INTS4: variants seen among roughly 807,000 people sequenced by gnomAD.
INTS4 encodes integrator complex subunit 4, also known as MSTP093.
INTS4 carries 70 observed loss-of-function variants against 119.5 expected under a neutral mutation model. That is an observed-to-expected ratio of 0.59 (90% confidence interval 0.48 to 0.71). The LOEUF (loss-of-function observed/expected upper bound fraction) is 0.71. Ranked by LOEUF, INTS4 falls within the 30% of genes least tolerant of loss-of-function variation. INTS4 has a pLI of 0.00. For missense variants in INTS4, 867 were observed against 1,173.2 expected (o/e 0.74, Z 3.81); for synonymous variants, 316 against 419.6 (o/e 0.75, Z 3.02).
chr11:77,988,483 A>C (rs945220076), intron 2 of INTS4, among the ~76,000 whole-genome samples: 4 of 152,220 alleles, frequency 2.6e-5, no homozygotes, highest in Non-Finnish European at 5.9e-5. Context: ...GGGGAAATGG[A>C]CAAGGAACAT....
At chr11:77,924,521 A>C (rs183068703) in intron 12 of INTS4, 235 of 491,468 alleles carry the variant, frequency 4.8e-4, no homozygotes, top group African/African-American at 4.3e-3. Flanking sequence ...CAGCAGGCAC[A>C]TAATATTTGC....
chr11:77,965,742 T>G (rs1855475397), intron 4 of INTS4, among the ~76,000 whole-genome samples: 1 of 152,144 alleles, frequency 6.6e-6, no homozygotes, highest in Non-Finnish European at 1.5e-5. Context: ...GATAAACAGG[T>G]TGATTCCATA....
At chr11:77,897,171 A>G (rs1163777412) in intron 18 of INTS4, among the ~76,000 whole-genome samples, 1 of 151,874 alleles carries the variant, frequency 6.6e-6, no homozygotes, top group African/African-American at 2.4e-5. Flanking sequence ...TTAAAAGGCG[A>G]CAGAGAACAG....
rs73501887 is a variant in INTS4 at position 77,992,587 on chromosome 11, G to A, written c.55-1288C>T. Among the ~76,000 whole-genome samples the A allele has an allele frequency of 1.8e-3, 272 of 152,202 alleles. 1 individual carries two copies. The highest frequency in any genetic ancestry group is 5.8e-3 in the African/African-American group (242 of 41,526). ...AAATTTCCTTACCACCTAATGGTGC[G>A]TTTTTATGTACTGAGCAATCACCTC... On this transcript the variant is annotated intron_variant, in intron 1 of 22. Coordinates refer to ENST00000534064, the MANE Select transcript of INTS4 (RefSeq NM_033547.4).
intron 10 of INTS4, among the ~76,000 whole-genome samples, chr11:77,930,249 A>G (rs540343393): frequency 6.6e-6 from 1 of 152,362 alleles, no homozygotes; most frequent in African/African-American, 2.4e-5. Context: ...ACTCACAAAC[A>G]CAATTTCCTC....
At chr11:77,986,051 T>A (rs1200509179) in intron 2 of INTS4, among the ~76,000 whole-genome samples, 1 of 152,240 alleles carries the variant, frequency 6.6e-6, no homozygotes, top group Non-Finnish European at 1.5e-5. Flanking sequence ...ACTGGGTCCA[T>A]CTGGCATCCC....
In INTS4 at chr11:77,955,923, C is replaced by G. The variant is rs559812293; in HGVS notation, c.918+19G>C. The G allele has an allele frequency of 6.3e-7, 1 of 1,585,054 alleles. No individual in the cohort carries two copies. Reference sequence around the variant, plus strand: ...AAATATATACATGCATACATACATACATAAAAAGTATAACTTACCAACAGT... The same window carrying G: ...AAATATATACATGCATACATACATAGATAAAAAGTATAACTTACCAACAGT... On this transcript the variant is annotated intron_variant, in intron 8 of 22. Transcript: ENST00000534064.
intron 10 of INTS4, among the ~76,000 whole-genome samples, chr11:77,931,533 G>T (rs565957335): frequency 2.0e-5 from 3 of 152,224 alleles, no homozygotes; most frequent in East Asian, 3.9e-4. Context: ...TATTCTATAT[G>T]ATGTGATTAT....
At chr11:77,878,440 G>C (rs1315912416), downstream of INTS4, among the ~76,000 whole-genome samples, 2 of 152,032 alleles carry the variant, frequency 1.3e-5, no homozygotes, top group Non-Finnish European at 2.9e-5. Context: ...GCTACTGCCT[G>C]CATTAGGGAA....
rs1953267695 is a variant in INTS4 at position 77,918,742 on chromosome 11, T to C, written c.1922+79A>G. 1.5e-5 allele frequency: 24 copies of C among 1,554,768 alleles called. 1 individual carries two copies. The highest frequency in any genetic ancestry group is 2.1e-5 in the Non-Finnish European group (24 of 1,148,486). On this transcript the variant is annotated intron_variant, in intron 15 of 22. Transcript: ENST00000534064. The stretch of plus-strand genomic sequence containing the variant: ...AATAAAGTCAGAATATCAAGCCTAG[T>C]AACCAACACCAGAATTCAGAACAGT...
intron 8 of INTS4, among the ~76,000 whole-genome samples, chr11:77,951,020 A>T (rs1954180622): frequency 1.3e-5 from 2 of 152,032 alleles, no homozygotes; most frequent in East Asian, 1.9e-4. Context: ...GATGGTTTCC[A>T]GCTTCATCCA....
rs1439745718 is a variant in INTS4 at position 77,901,450 on chromosome 11, T to C, written c.2199A>G (p.Gln733=). ...HHMRLQAKAL[Q]LIVTARTTRG... is the part of the protein sequence containing the mutation. ...GTGTAGTTCGTGCTGTTACTATAAG[T>C]TGCAAAGCTTTGGCCTGCAGCCTCA... Residue 733 remains glutamine (Q), a synonymous_variant, in exon 18 of 23, where the codon CAA becomes CAG. Transcript: ENST00000534064. 9.3e-6 allele frequency: 15 copies of C among 1,613,874 alleles called. No homozygotes were observed. The highest frequency in any genetic ancestry group is 1.3e-5 in the African/African-American group (1 of 74,946).
chr11:77,918,671 TA>T, intron 15 of INTS4, 149 bp downstream of exon 15: 1 of 990,934 alleles, frequency 1.0e-6, no homozygotes, highest in Non-Finnish European at 1.4e-6. Context: ...AACCACAATC[TA>T]ATCCAAATAT....
downstream of INTS4, among the ~76,000 whole-genome samples, chr11:77,875,833 T>G (rs1459451256): frequency 6.6e-6 from 1 of 152,090 alleles, no homozygotes; most frequent in Non-Finnish European, 1.5e-5. Context: ...ATTCCCAGGC[T>G]CAGCAGGTCC....
intron 8 of INTS4, among the ~76,000 whole-genome samples, chr11:77,944,366 G>A (rs575590138): frequency 1.3e-5 from 2 of 152,292 alleles, no homozygotes; most frequent in African/African-American, 2.4e-5. Context: ...AGTTTAGTAT[G>A]ATATTGCAGC....
chr11:77,930,356 T>A (rs1474586067), intron 10 of INTS4, among the ~76,000 whole-genome samples: 2 of 152,252 alleles, frequency 1.3e-5, no homozygotes, highest in Non-Finnish European at 2.9e-5. Context: ...GAATTCCTCC[T>A]TTTTATCAGA....
At chr11:77,924,960 C>T (rs1953460341) in intron 11 of INTS4, 68 bp from the exon 12 acceptor site, 19 of 1,248,996 alleles carry the variant, frequency 1.5e-5, no homozygotes, top group Non-Finnish European at 2.0e-5. Flanking sequence ...TATCTACCAT[C>T]CCCTTCTACC....
In INTS4 at chr11:77,924,536, T is replaced by A. The variant is rs1953447813; in HGVS notation, c.1514+214A>T. ...CAGCAGGCACATAATATTTGCTAGGTGGATAGATGCACAAATTAGTAAGTA... is the reference window on the plus strand; with the variant it reads ...CAGCAGGCACATAATATTTGCTAGGAGGATAGATGCACAAATTAGTAAGTA... On this transcript the variant is annotated intron_variant, in intron 12 of 22. Transcript: ENST00000534064. 1.2e-5 allele frequency: 6 copies of A among 517,800 alleles called. No individual in the cohort carries two copies. The South Asian group carries it at 1.2e-4, about 11-fold the overall frequency. 32.1% of individuals were successfully genotyped at this position (517,800 alleles called of 1,614,324 possible). A position where few individuals can be genotyped will look rare whatever the true frequency, so the allele number is the denominator to read the frequency against.
intron 16 of INTS4, among the ~76,000 whole-genome samples, chr11:77,907,375 T>A (rs1182208982): frequency 1.3e-5 from 2 of 152,156 alleles, no homozygotes; most frequent in Non-Finnish European, 2.9e-5. Context: ...CACCTGGCCT[T>A]CAAATGAGCA....
Sources: gnomAD v4.1 joint callset for allele counts (sites outside exome capture counted in the v4.1 genomes callset) on GRCh38, gnomAD v4.1.1 for gene constraint, MANE v1.5 for transcripts, NCBI Gene and HGNC (gene_info 2026-07-23, HGNC 2026-07-21) for gene names.